The following EXO5 variants were observed in gnomAD, a reference collection of about 807,000 sequenced individuals.
The protein encoded by EXO5 is exonuclease 5.
EXO5 carries 11 observed loss-of-function variants against 17.8 expected under a neutral mutation model. The ratio of observed to expected loss-of-function variants is 0.62; its 90% CI spans 0.39 to 1.02. The LOEUF (loss-of-function observed/expected upper bound fraction) is 1.02, where lower values mean the gene tolerates loss of function less well. Ranked by LOEUF, EXO5 falls within the 50% of genes least tolerant of loss-of-function variation. EXO5 has a pLI of 0.00. For synonymous variants in EXO5, 147 were observed against 166.5 expected, an observed-to-expected ratio of 0.88 and a Z score of 0.90; for missense variants, 364 against 434.8, an observed-to-expected ratio of 0.84 and a Z score of 1.45.
At chr1:40,514,487 C>A (rs1382137079) in intron 3 of EXO5, 28 bp from the exon 4 acceptor site, 14 of 1,484,440 alleles carry the variant, frequency 9.4e-6, no homozygotes, top group South Asian at 1.4e-5. Context: ...TTTATTTGAA[C>A]AATGCATTTC....
At chr1:40,513,880 G>A (rs1007888399) in intron 3 of EXO5, among the ~76,000 whole-genome samples, 28 of 151,792 alleles carry the variant, frequency 1.8e-4, no homozygotes, top group African/African-American at 6.3e-4. Context: ...TGAGCCACCC[G>A]CCCCGCCTCA....
chr1:40,513,380 TC>T (rs1414874075), intron 3 of EXO5, among the ~76,000 whole-genome samples: 1 of 152,188 alleles, frequency 6.6e-6, no homozygotes, highest in Non-Finnish European at 1.5e-5. Context: ...ATTGCAGAGC[TC>T]CTTTTTCTCA....
chr1:40,514,483 T>C (rs1645839987), intron 3 of EXO5, 32 bp from the exon 4 acceptor site: 1 of 1,482,724 alleles, frequency 6.7e-7, no homozygotes, highest in Admixed American at 2.3e-5. Context: ...CGTTTTTATT[T>C]GAACAATGCA....
In EXO5 at chr1:40,515,225, C is replaced by G; in HGVS notation, c.681C>G (p.Ala227=). Residue 227 remains alanine, a synonymous_variant, in exon 4 of 4, where the codon GCC becomes GCG. Transcript: ENST00000415550. The part of the protein sequence containing the change: ...QVSLYKYIFD[A]MVQGKVTPAS... ...GCCTATACAAATATATCTTTGATGC[C>G]ATGGTACAAGGAAAAGTGACCCCTG... The G allele has an allele frequency of 6.2e-7, 1 of 1,613,982 alleles. No individual in the cohort carries two copies. Among genetic ancestry groups the G allele is most frequent in the Non-Finnish European group, 8.5e-7 (1 of 1,180,008 alleles).
Position 40,515,081 on chromosome 1 carries a change from A to G in EXO5, c.537A>G (p.Gly179=), listed in dbSNP as rs143630859. Residue 179 remains glycine, a synonymous_variant, in exon 4 of 4, where the codon GGA becomes GGG. Transcript: ENST00000415550. The part of the protein sequence containing the change: ...FGEGEGVLLV[G]VIDELHYTAK... ...AAGGGGAGGGTGTACTTCTTGTTGG[A>G]GTGATTGATGAGCTGCACTATACAG... is the stretch of plus-strand genomic sequence containing the variant. The G allele has an allele frequency of 1.1e-5, 17 of 1,614,004 alleles. No homozygotes were observed. The South Asian group carries it at 1.9e-4, about 18-fold the overall frequency.
chr1:40,515,941 T>C lies in EXO5; in HGVS notation c.*275T>C, dbSNP rs1225582971. ...AAGGTATCCTTCAGTAAACTTTGCT[T>C]TCCTAAGAAAATTCTTCAGTTTCTG... On this transcript the variant is annotated 3_prime_UTR_variant, in exon 4 of 4. Coordinates refer to ENST00000415550, the MANE Select transcript of EXO5 (RefSeq NM_001346953.2). 2 of 328,702 alleles carry C rather than the reference T, an allele frequency of 6.1e-6. No individual in the cohort carries two copies. The highest frequency in any genetic ancestry group is 1.2e-5 in the Non-Finnish European group (2 of 171,954). 20.4% of individuals were successfully genotyped at this position (328,702 alleles called of 1,614,324 possible).
chr1:40,510,604 T>C (rs1557580034), intron 3 of EXO5, among the ~76,000 whole-genome samples: 1 of 152,232 alleles, frequency 6.6e-6, no homozygotes. Context: ...AGGAGCTTCC[T>C]CTCTCTTTGG....
Position 40,515,213 on chromosome 1 carries a change from T to C in EXO5, c.669T>C (p.Tyr223=). The change falls in exon 4 of 4, where the codon TAT becomes TAC. Residue 223 remains tyrosine, a synonymous_variant. Transcript: ENST00000415550. ...KDCFQVSLYK[Y]IFDAMVQGKV... ...GTTTTCAAGTCAGCCTATACAAATA[T>C]ATCTTTGATGCCATGGTACAAGGAA... is the stretch of plus-strand genomic sequence containing the variant. The C allele has an allele frequency of 1.2e-6, 2 of 1,614,046 alleles. No individual in the cohort carries two copies. The highest frequency in any genetic ancestry group is 1.3e-5 in the African/African-American group (1 of 75,022).
intron 3 of EXO5, among the ~76,000 whole-genome samples, chr1:40,510,140 C>G (rs754569030): frequency 6.6e-6 from 1 of 152,122 alleles, no homozygotes; most frequent in Non-Finnish European, 1.5e-5. Context: ...CACTTACTAC[C>G]TAACAATTTT....
chr1:40,515,060 G>A lies in EXO5; in HGVS notation c.516G>A (p.Gly172=). 6.2e-7 allele frequency: 1 copy of A among 1,614,138 alleles called. No individual in the cohort carries two copies. Among genetic ancestry groups the A allele is most frequent in the South Asian group, 1.1e-5 (1 of 91,082 alleles). ...HIREFPVFGE[G]EGVLLVGVID... ...GAGAGTTTCCAGTGTTTGGGGAAGG[G>A]GAGGGTGTACTTCTTGTTGGAGTGA... Residue 172 remains glycine (G), a synonymous_variant, in exon 4 of 4, where the codon GGG becomes GGA. Coordinates refer to ENST00000415550, the MANE Select transcript of EXO5 (RefSeq NM_001346953.2).
rs144209333 is a variant in EXO5 at position 40,512,201 on chromosome 1, T to A, written c.-30-2314T>A. Among the ~76,000 whole-genome samples the A allele has an allele frequency of 2.6e-5, 4 of 152,296 alleles. No individual in the cohort carries two copies. The East Asian group carries it at 7.7e-4, about 29-fold the overall frequency. ...CGCCCAGTTTCTTAAGATTAAAAAA[T>A]ACTTGAAAGACAAAACAATCAAACA... On this transcript the variant is annotated intron_variant, in intron 3 of 3. Coordinates refer to ENST00000415550, the MANE Select transcript of EXO5 (RefSeq NM_001346953.2).
intron 3 of EXO5, among the ~76,000 whole-genome samples, chr1:40,511,442 ATGT>A (rs1336142334): frequency 1.3e-5 from 2 of 152,138 alleles, no homozygotes; most frequent in Admixed American, 6.5e-5. Flanking sequence ...TAAAGCAATA[ATGT>A]TGTAGGATAC....
At chr1:40,513,388 C>T (rs938736873) in intron 3 of EXO5, among the ~76,000 whole-genome samples, 12 of 152,112 alleles carry the variant, frequency 7.9e-5, no homozygotes, top group African/African-American at 2.7e-4. Context: ...GCTCCTTTTT[C>T]TCAAGGAACA....
intron 3 of EXO5, among the ~76,000 whole-genome samples, chr1:40,513,399 G>C (rs1467978760): frequency 1.3e-5 from 2 of 152,144 alleles, no homozygotes; most frequent in African/African-American, 4.8e-5. Flanking sequence ...TCAAGGAACA[G>C]TTTGTAGTTG....
chr1:40,514,030 C>T (rs1329266167), intron 3 of EXO5, among the ~76,000 whole-genome samples: 5 of 150,476 alleles, frequency 3.3e-5, no homozygotes, highest in Non-Finnish European at 7.4e-5. Flanking sequence ...CCTGTAATCC[C>T]AGCACTTTGG....
rs552857378 is a variant in EXO5 at position 40,515,670 on chromosome 1, G to A, written c.*4G>A. ...CCAAGTCAAAAAAGCCAAATGAATA[G>A]AAGGTATGCTTTCAAGAATGTTGAT... On this transcript the variant is annotated 3_prime_UTR_variant, in exon 4 of 4. Coordinates refer to ENST00000415550, the MANE Select transcript of EXO5 (RefSeq NM_001346953.2). 156 of 1,606,724 alleles carry A rather than the reference G, an allele frequency of 9.7e-5. No homozygotes were observed. In the Middle Eastern group the frequency reaches 2.2e-3, roughly 22 times the overall value.
At position 40,515,104 on chromosome 1, in the gene EXO5, C is replaced by T. The variant is rs370886885; in HGVS notation, c.560C>T (p.Thr187Ile). Residue 187 changes from threonine (T) to isoleucine (I), a missense_variant, in exon 4 of 4, where the codon ACA (threonine) becomes ATA (isoleucine). Transcript: ENST00000415550. ...LVGVIDELHY[T>I]AKGELELAEL... ...GGAGTGATTGATGAGCTGCACTATA[C>T]AGCCAAGGGGGAACTGGAGCTGGCG... 3 of 1,614,114 alleles carry T rather than the reference C, an allele frequency of 1.9e-6. No homozygotes were observed. Among genetic ancestry groups the T allele is most frequent in the Non-Finnish European group, 2.5e-6 (3 of 1,180,008 alleles).
At chr1:40,509,255 A>G (rs977074538) in intron 1 of EXO5, 196 bp from the exon 2 acceptor site, 2 of 152,434 alleles carry the variant, frequency 1.3e-5, no homozygotes, top group Non-Finnish European at 2.9e-5. Context: ...CGCGGAGCCC[A>G]CAAGTCCGGG....
chr1:40,516,012 CATA>C lies in EXO5; in HGVS notation c.*351_*353del. ...TCTTGATCAAGGCTTTCTACAGTTA[CATA>C]ATAAAATGAAATGCTGTCCAGGACA... is the stretch of plus-strand genomic sequence containing the variant. On this transcript the variant is annotated 3_prime_UTR_variant, in exon 4 of 4. Coordinates refer to ENST00000415550, the MANE Select transcript of EXO5 (RefSeq NM_001346953.2). 1 of 236,524 alleles carries C rather than the reference CATA, an allele frequency of 4.2e-6. No individual in the cohort carries two copies. The highest frequency in any genetic ancestry group is 8.9e-6 in the Non-Finnish European group (1 of 111,978). The allele number at this position is 236,524 out of a possible 1,614,324, so 14.7% of individuals were successfully genotyped here. A position where few individuals can be genotyped will look rare whatever the true frequency, so the allele number is the denominator to read the frequency against.
Sources: allele counts gnomAD v4.1 joint callset (sites outside exome capture counted in the v4.1 genomes callset), GRCh38; gene constraint gnomAD v4.1.1; transcripts MANE v1.5; gene names NCBI Gene and HGNC (gene_info 2026-07-23, HGNC 2026-07-21).